The following MET variants were observed in gnomAD, a reference collection of about 807,000 sequenced individuals.
MET encodes the protein hepatocyte growth factor receptor.
Under a neutral mutation model 133.1 loss-of-function variants are expected in MET, and 48 were observed. The ratio of observed to expected loss-of-function variants is 0.36; its 90% CI spans 0.29 to 0.46. The LOEUF (loss-of-function observed/expected upper bound fraction) is 0.46, where lower values mean the gene tolerates loss of function less well. Ranked by LOEUF, MET falls within the 20% of genes least tolerant of loss-of-function variation. The pLI, the probability that MET is intolerant of heterozygous loss-of-function variation, is 1.00. For synonymous variants in MET, 628 were observed against 616.5 expected (o/e 1.02, Z -0.28); for missense variants, 1,442 against 1,695.9 (o/e 0.85, Z 2.63).
Position 116,740,004 on chromosome 7 carries a change from T to C in MET, c.1447T>C (p.Ser483Pro), listed in dbSNP as rs1584922011. The C allele has an allele frequency of 6.2e-7, 1 of 1,614,148 alleles. No individual in the cohort carries two copies. The highest frequency in any genetic ancestry group is 8.5e-7 in the Non-Finnish European group (1 of 1,179,994). ...STPHVNFLLD[S>P]HPVSPEVIVE... ...CCCTCATGTGAATTTTCTCCTGGACTCCCATCCAGTGTCTCCAGAAGTGAT... is the reference window on the plus strand; with the variant it reads ...CCCTCATGTGAATTTTCTCCTGGACCCCCATCCAGTGTCTCCAGAAGTGAT... The change falls in exon 4 of 21, where the codon TCC (serine) becomes CCC (proline). Residue 483 changes from serine to proline, a missense_variant. Transcript: ENST00000397752.
intron 1 of MET, among the ~76,000 whole-genome samples, chr7:116,673,922 C>T (rs1213576258): frequency 2.6e-5 from 4 of 151,982 alleles, no homozygotes; most frequent in Admixed American, 6.5e-5. Flanking sequence ...AATGTTCATT[C>T]TTTTTGAACT....
Position 116,798,103 on chromosome 7 carries a change from A to C in MET, c.*1979A>C, listed in dbSNP as rs1584980548. 6 of 221,656 alleles carry C rather than the reference A, an allele frequency of 2.7e-5. No individual in the cohort carries two copies. The East Asian group carries it at 4.0e-4, about 15-fold the overall frequency. The allele number at this position is 221,656 out of a possible 1,614,324, so 13.7% of individuals were successfully genotyped here. On this transcript the variant is annotated 3_prime_UTR_variant, in exon 21 of 21. Transcript: ENST00000397752. ...AAGAACTGTCTCTACCAGGGTCAAG[A>C]GCATGAACGCATCAATAGAAAGAAC...
At position 116,729,358 on chromosome 7, in the gene MET, T is replaced by C. The variant is rs1792907160; in HGVS notation, c.1201-2310T>C. Among the ~76,000 whole-genome samples, 2 of 152,220 alleles carry C rather than the reference T, an allele frequency of 1.3e-5. 1 individual carries two copies. The highest frequency in any genetic ancestry group is 4.1e-4 in the South Asian group (2 of 4,832). On this transcript the variant is annotated intron_variant, in intron 2 of 20. Transcript: ENST00000397752. ...GAAAATGAAGAAATCGTTGTTGATA[T>C]ATAAAATAGAGCATTTTAGGTGGTT... is the stretch of plus-strand genomic sequence containing the variant.
At chr7:116,674,038 C>T (rs983367297) in intron 1 of MET, among the ~76,000 whole-genome samples, 2 of 152,072 alleles carry the variant, frequency 1.3e-5, no homozygotes, top group Admixed American at 1.3e-4. Context: ...AATTCTATTC[C>T]GTTTTCAAAC....
At chr7:116,735,979 T>C (rs995853014) in intron 3 of MET, among the ~76,000 whole-genome samples, 2 of 152,036 alleles carry the variant, frequency 1.3e-5, no homozygotes, top group South Asian at 4.1e-4. Flanking sequence ...TTTTTCGCCA[T>C]GTTGGCCAGG....
intron 10 of MET, among the ~76,000 whole-genome samples, chr7:116,762,220 T>C (rs1470927368): frequency 6.6e-6 from 1 of 152,350 alleles, no homozygotes; most frequent in South Asian, 2.1e-4. Context: ...GTATAAAATA[T>C]GTCATAGACA....
chr7:116,730,506 A>G (rs1257811340), intron 2 of MET, among the ~76,000 whole-genome samples: 2 of 152,326 alleles, frequency 1.3e-5, no homozygotes, highest in African/African-American at 2.4e-5. Context: ...GGCAAGGGTA[A>G]CAGTGGATGT....
Position 116,763,271 on chromosome 7 carries a change from A to G in MET, c.2583+3A>G, listed in dbSNP as rs781401324. 6.2e-7 allele frequency: 1 copy of G among 1,612,154 alleles called. No homozygotes were observed. On this transcript the variant is annotated splice_donor_region_variant and intron_variant, in intron 11 of 20. Transcript: ENST00000397752. ...ATGAAAATGTACTGGAAATTAAGGT[A>G]AGAAATGCTTTAAACACTGTCTTAA...
intron 5 of MET, among the ~76,000 whole-genome samples, chr7:116,745,796 T>C (rs773704375): frequency 2.0e-4 from 31 of 152,186 alleles, no homozygotes; most frequent in Non-Finnish European, 4.1e-4. Flanking sequence ...GGATTAAAGA[T>C]GTAAATGTTA....
chr7:116,731,435 T>A (rs1792999169), intron 2 of MET, among the ~76,000 whole-genome samples: 1 of 152,210 alleles, frequency 6.6e-6, no homozygotes, highest in South Asian at 2.1e-4. Context: ...CGTGCACATA[T>A]TGAACCATGG....
intron 2 of MET, among the ~76,000 whole-genome samples, chr7:116,729,381 G>T (rs1202351259): frequency 1.3e-5 from 2 of 152,176 alleles, no homozygotes; most frequent in Admixed American, 6.5e-5. Context: ...ATTTTAGGTG[G>T]TTTTTAATCA....
rs1584977995 is a variant in MET, at chr7:116,795,745, T to C, written c.3889T>C (p.Leu1297=). The C allele has an allele frequency of 1.9e-6, 3 of 1,614,166 alleles. No individual in the cohort carries two copies. Among genetic ancestry groups the C allele is most frequent in the Non-Finnish European group, 8.5e-7 (1 of 1,180,018 alleles). The change falls in exon 20 of 21, where the codon TTG becomes CTG. Residue 1297 remains leucine, a synonymous_variant. Coordinates refer to ENST00000397752, the MANE Select transcript of MET (RefSeq NM_000245.4). ...CACCTTTGATATAACTGTTTACTTG[T>C]TGCAAGGGAGAAGACTCCTACAACC... ...VNTFDITVYL[L]QGRRLLQPEY...
chr7:116,796,095 C>T lies in MET; in HGVS notation c.4144C>T (p.Arg1382Ter), dbSNP rs200315561. ...TAACGCTGATGATGAGGTGGACACA[C>T]GACCAGCCTCCTTCTGGGAGACATC... is the stretch of plus-strand genomic sequence containing the variant. Reference protein sequence around the residue: ...EDNADDEVDTRPASFWETS With the variant: ...EDNADDEVDT Residue 1382 changes from arginine to a stop codon, truncating the protein, a stop_gained, in exon 21 of 21, where the codon CGA becomes TGA. Transcript: ENST00000397752. LOFTEE classifies it low-confidence loss of function (END_TRUNC). 1.7e-5 allele frequency: 28 copies of T among 1,614,126 alleles called. 1 individual carries two copies. Among genetic ancestry groups the T allele is most frequent in the East Asian group, 6.7e-5 (3 of 44,890 alleles).
At chr7:116,793,734 A>G (rs1312439984) in intron 19 of MET, among the ~76,000 whole-genome samples, 1 of 151,844 alleles carries the variant, frequency 6.6e-6, no homozygotes, top group Non-Finnish European at 1.5e-5. Flanking sequence ...CCCCGTCTCT[A>G]CTAAAAATAC....
chr7:116,738,172 GT>G (rs145435221), intron 3 of MET, among the ~76,000 whole-genome samples: 2,656 of 152,250 alleles, frequency 0.017, 87 homozygotes, highest in African/African-American at 0.061. Context: ...TTGCTTTTGT[GT>G]TTTTGTTTTT....
intron 15 of MET, among the ~76,000 whole-genome samples, chr7:116,775,443 C>T (rs550162551): frequency 4.7e-4 from 71 of 152,300 alleles, no homozygotes; most frequent in African/African-American, 1.6e-3. Flanking sequence ...GTGGCTCACA[C>T]GTGTAATCCC....
At position 116,798,369 on chromosome 7, in the gene MET, G is replaced by T. The variant is rs1447240969; in HGVS notation, c.*2245G>T. On this transcript the variant is annotated 3_prime_UTR_variant, in exon 21 of 21. Coordinates refer to ENST00000397752, the MANE Select transcript of MET (RefSeq NM_000245.4). ...TGATAAATCATGCAATTAAAGTAAAGTGATGCAACATCTTGTATACTGATA... is the reference window on the plus strand; with the variant it reads ...TGATAAATCATGCAATTAAAGTAAATTGATGCAACATCTTGTATACTGATA... The T allele has an allele frequency of 5.4e-6, 1 of 186,384 alleles. No individual in the cohort carries two copies. The highest frequency in any genetic ancestry group is 1.1e-5 in the Non-Finnish European group (1 of 87,942). The allele number at this position is 186,384 out of a possible 1,614,324, so 11.5% of individuals were successfully genotyped here. A position where few individuals can be genotyped will look rare whatever the true frequency, so the allele number is the denominator to read the frequency against.
intron 2 of MET, among the ~76,000 whole-genome samples, chr7:116,716,516 A>AGAAAGAAAGAAG (rs1792240070): frequency 1.3e-5 from 2 of 149,182 alleles, no homozygotes; most frequent in African/African-American, 2.5e-5. Flanking sequence ...AAAGAAAGAA[A>AGAAAGAAAGAAG]GAAAGAAAGA....
chr7:116,763,650 C>T (rs1015800142), intron 11 of MET, among the ~76,000 whole-genome samples: 7 of 152,298 alleles, frequency 4.6e-5, no homozygotes, highest in Non-Finnish European at 8.8e-5. Context: ...ATTGTATCTC[C>T]GTTCTTCCTT....
Sources: gnomAD v4.1 joint callset for allele counts (sites outside exome capture counted in the v4.1 genomes callset) on GRCh38, gnomAD v4.1.1 for gene constraint, MANE v1.5 for transcripts, NCBI Gene and HGNC (gene_info 2026-07-23, HGNC 2026-07-21) for gene names.